The following CTNNBIP1 variants were observed in gnomAD, a reference collection of about 807,000 sequenced individuals.
The protein encoded by CTNNBIP1 is beta-catenin-interacting protein 1.
Under a neutral mutation model 11.8 loss-of-function variants are expected in CTNNBIP1, and 7 were observed. The observed-to-expected ratio is 0.60, with a 90% CI of 0.34 to 1.12. The LOEUF is 1.12. CTNNBIP1 is among the 50% of genes most tolerant of loss of function. The probability of loss-of-function intolerance (pLI) is 0.03; values close to 1 mark genes in which losing one functional copy is unlikely to be tolerated. For missense variants in CTNNBIP1, 101 were observed against 113.4 expected, an observed-to-expected ratio of 0.89 and a Z score of 0.50; for synonymous variants, 58 against 43.9, an observed-to-expected ratio of 1.32 and a Z score of -1.26.
chr1:9,879,079 C>T (rs1417618375), intron 2 of CTNNBIP1, among the ~76,000 whole-genome samples: 1 of 152,096 alleles, frequency 6.6e-6, no homozygotes, highest in African/African-American at 2.4e-5. Flanking sequence ...CGCCTGTAAT[C>T]CCAGCTACTT....
chr1:9,894,387 GCT>G (rs1163079727), intron 1 of CTNNBIP1, among the ~76,000 whole-genome samples: 3 of 152,290 alleles, frequency 2.0e-5, no homozygotes, highest in African/African-American at 4.8e-5. Context: ...ACAGTGTCTC[GCT>G]CTGTCACACA....
intron 3 of CTNNBIP1, among the ~76,000 whole-genome samples, chr1:9,875,892 T>C (rs1341436104): frequency 6.6e-6 from 1 of 152,232 alleles, no homozygotes; most frequent in Non-Finnish European, 1.5e-5. Flanking sequence ...AAACTCATAA[T>C]TGGAGAGAAT....
chr1:9,882,990 T>TG (rs1231044301), intron 2 of CTNNBIP1, among the ~76,000 whole-genome samples: 3 of 151,812 alleles, frequency 2.0e-5, no homozygotes, highest in African/African-American at 4.8e-5. Context: ...GGAGTGAGAA[T>TG]GGGGGGCCTC....
In CTNNBIP1 at chr1:9,895,150, G is replaced by A. The variant is rs1056920469; in HGVS notation, c.-143-11412C>T. Among the ~76,000 whole-genome samples, 162 of 151,822 alleles carry A rather than the reference G, an allele frequency of 1.1e-3. 1 individual carries two copies. The highest frequency in any genetic ancestry group is 2.4e-4 in the Non-Finnish European group (16 of 67,964). ...TCTCGATCTCCTGACCTCATGATAC[G>A]CCCGCCTCGGCCTCCCGAAGTGCTG... On this transcript the variant is annotated intron_variant, in intron 1 of 5. Coordinates refer to ENST00000377263, the MANE Select transcript of CTNNBIP1 (RefSeq NM_020248.3).
intron 1 of CTNNBIP1, among the ~76,000 whole-genome samples, chr1:9,896,455 T>C (rs915200458): frequency 1.3e-5 from 2 of 152,198 alleles, no homozygotes; most frequent in Non-Finnish European, 2.9e-5. Flanking sequence ...TCCCAGCACT[T>C]TGAGACACAA....
At chr1:9,875,487 G>A (rs569001534) in intron 3 of CTNNBIP1, among the ~76,000 whole-genome samples, 6 of 152,290 alleles carry the variant, frequency 3.9e-5, no homozygotes, top group Non-Finnish European at 7.4e-5. Flanking sequence ...CCGTCTTCCC[G>A]GCTGGTGCAG....
chr1:9,879,539 T>G (rs561579960), intron 2 of CTNNBIP1, among the ~76,000 whole-genome samples: 5 of 152,290 alleles, frequency 3.3e-5, no homozygotes, highest in African/African-American at 1.2e-4. Context: ...AGGAGAGCTG[T>G]CACCCACCAC....
intron 5 of CTNNBIP1, 36 bp from the exon 6 acceptor site, chr1:9,850,812 T>C (rs1432922782): frequency 6.2e-7 from 1 of 1,604,016 alleles, no homozygotes; most frequent in East Asian, 2.2e-5. Context: ...TGATGGGGCT[T>C]GCAGCATTGG....
Position 9,871,902 on chromosome 1 carries a change from C to G in CTNNBIP1, c.96+67G>C. 7.1e-7 allele frequency: 1 copy of G among 1,407,290 alleles called. No homozygotes were observed. Among genetic ancestry groups the G allele is most frequent in the Non-Finnish European group, 1.0e-6 (1 of 995,068 alleles). 87.2% of individuals were successfully genotyped at this position (1,407,290 alleles called of 1,614,324 possible). A position where few individuals can be genotyped will look rare whatever the true frequency, so the allele number is the denominator to read the frequency against. On this transcript the variant is annotated intron_variant, in intron 4 of 5. Transcript: ENST00000377263. This position sits in a 1 kb window ranked among gnomAD's most constrained non-coding sequence, Gnocchi z 5.2. ...CGCAGTGGCTCCACCCTCCAATAGC[C>G]CAGCAGGGCCCCTCCCTGGGAGACC... is the stretch of plus-strand genomic sequence containing the variant.
intron 1 of CTNNBIP1, among the ~76,000 whole-genome samples, chr1:9,886,979 G>A (rs1384169121): frequency 6.6e-6 from 1 of 152,112 alleles, no homozygotes. Flanking sequence ...TTCCCGAACC[G>A]CACTCCACCA....
intron 1 of CTNNBIP1, among the ~76,000 whole-genome samples, chr1:9,891,840 C>T (rs1331327887): frequency 7.0e-5 from 9 of 128,114 alleles, no homozygotes; most frequent in African/African-American, 1.4e-4. Flanking sequence ...TTCCCTCTGT[C>T]GCCCAGGCTG....
chr1:9,899,508 C>G (rs1557766683), intron 1 of CTNNBIP1, among the ~76,000 whole-genome samples: 3 of 149,924 alleles, frequency 2.0e-5, no homozygotes, highest in African/African-American at 7.4e-5. Flanking sequence ...CGCCTGTAAT[C>G]CCAGCACTTT....
intron 5 of CTNNBIP1, among the ~76,000 whole-genome samples, chr1:9,860,428 T>TAAAAAAA (rs58165059): frequency 2.2e-5 from 1 of 45,544 alleles, no homozygotes; most frequent in Admixed American, 3.0e-4. Context: ...CCGTCTCTAC[T>TAAAAAAA]AAAAAAAAAA....
At chr1:9,899,499 G>A (rs1201261628) in intron 1 of CTNNBIP1, among the ~76,000 whole-genome samples, 5 of 146,456 alleles carry the variant, frequency 3.4e-5, no homozygotes, top group East Asian at 4.0e-4. Flanking sequence ...AGTGCCTCAC[G>A]CCTGTAATCC....
chr1:9,874,645 C>T (rs1332514476), intron 3 of CTNNBIP1, among the ~76,000 whole-genome samples: 1 of 152,214 alleles, frequency 6.6e-6, no homozygotes, highest in Non-Finnish European at 1.5e-5. Context: ...CTCTGCTGTG[C>T]TCACCCCTGT....
At chr1:9,880,991 G>A (rs541189625) in intron 2 of CTNNBIP1, among the ~76,000 whole-genome samples, 1 of 152,048 alleles carries the variant, frequency 6.6e-6, no homozygotes, top group South Asian at 2.1e-4. Context: ...GCATTCAGGA[G>A]GGCCCCATGC....
chr1:9,889,706 A>ACAGACCGG (rs1284763455), intron 1 of CTNNBIP1, among the ~76,000 whole-genome samples: 1 of 152,218 alleles, frequency 6.6e-6, no homozygotes, highest in Non-Finnish European at 1.5e-5. Context: ...CTCTTTGAGG[A>ACAGACCGG]CAGACCGGGG....
In CTNNBIP1 at chr1:9,872,255, A is replaced by G. The variant is rs1008377529; in HGVS notation, c.-24-167T>C. On this transcript the variant is annotated intron_variant, in intron 3 of 5. Coordinates refer to ENST00000377263, the MANE Select transcript of CTNNBIP1 (RefSeq NM_020248.3). The surrounding 1 kb of genome is among the most constrained non-coding windows in gnomAD (Gnocchi z 4.0). Reference sequence around the variant, plus strand: ...GAGGTGCTGGGTTCCTTTCTCACCCATGCTGGTCCCAGCAGGCTGAACTGA... The same window carrying G: ...GAGGTGCTGGGTTCCTTTCTCACCCGTGCTGGTCCCAGCAGGCTGAACTGA... Among the ~76,000 whole-genome samples the G allele has an allele frequency of 1.2e-4, 18 of 152,206 alleles. No homozygotes were observed. Among genetic ancestry groups the G allele is most frequent in the African/African-American group, 4.1e-4 (17 of 41,454 alleles).
At chr1:9,902,718 T>C (rs1454305104) in intron 1 of CTNNBIP1, among the ~76,000 whole-genome samples, 2 of 152,168 alleles carry the variant, frequency 1.3e-5, no homozygotes, top group Non-Finnish European at 2.9e-5. Context: ...AACTATATAA[T>C]AAGCCTTTTG....
Sources: gnomAD v4.1 joint callset for allele counts (sites outside exome capture counted in the v4.1 genomes callset) on GRCh38, gnomAD v4.1.1 for gene constraint, Gnocchi (gnomAD v3.1) non-coding constraint, MANE v1.5 for transcripts, NCBI Gene and HGNC (gene_info 2026-07-23, HGNC 2026-07-21) for gene names.